Variants in CACHD1 observed in about 807,000 individuals in gnomAD.
The protein encoded by CACHD1 is VWFA and cache domain-containing protein 1.
A neutral mutation model predicts 138.7 loss-of-function variants in CACHD1; 71 were observed. That is an observed-to-expected ratio of 0.51 (90% CI 0.42 to 0.62). The LOEUF (loss-of-function observed/expected upper bound fraction) is 0.62, where lower values mean the gene tolerates loss of function less well. CACHD1 is among the 20% of genes least tolerant of loss of function. The pLI, the probability that CACHD1 is intolerant of heterozygous loss-of-function variation, is 0.00. For synonymous variants in CACHD1, 578 were observed against 591.5 expected, an observed-to-expected ratio of 0.98 and a Z score of 0.33; for missense variants, 1,389 against 1,625.3, an observed-to-expected ratio of 0.85 and a Z score of 2.50.
chr1:64,491,759 GGCAT>G (rs1646277391), intron 1 of CACHD1, among the ~76,000 whole-genome samples: 2 of 152,018 alleles, frequency 1.3e-5, no homozygotes. Flanking sequence ...TGGGACTACA[GGCAT>G]GCACCACCAT....
chr1:64,643,736 G>A (rs1648811450), intron 8 of CACHD1, among the ~76,000 whole-genome samples: 1 of 152,182 alleles, frequency 6.6e-6, no homozygotes, highest in South Asian at 2.1e-4. Flanking sequence ...TACTCGGGAA[G>A]CTGAGGCAGG....
At chr1:64,659,376 TG>T (rs1649370329) in intron 13 of CACHD1, among the ~76,000 whole-genome samples, 1 of 151,986 alleles carries the variant, frequency 6.6e-6, no homozygotes, top group South Asian at 2.1e-4. Flanking sequence ...CATGTAAGTA[TG>T]GGGATATTGA....
chr1:64,666,899 A>C (rs1266867477), intron 16 of CACHD1, among the ~76,000 whole-genome samples: 3 of 151,594 alleles, frequency 2.0e-5, no homozygotes, highest in African/African-American at 7.3e-5. Context: ...CCAAGATATC[A>C]AACTTACTGC....
intron 25 of CACHD1, among the ~76,000 whole-genome samples, chr1:64,681,762 C>G (rs1650199589): frequency 6.6e-6 from 1 of 151,952 alleles, no homozygotes; most frequent in African/African-American, 2.4e-5. Flanking sequence ...TTAAGACACC[C>G]TGGCCTTCAG....
chr1:64,597,476 G>C lies in CACHD1; in HGVS notation c.411-5330G>C, dbSNP rs370817113. On this transcript the variant is annotated intron_variant, in intron 3 of 26. Transcript: ENST00000651257. ...GTTTTCTCCCTCGGGATGCAGTTTCGATCAGTTGTTCATGAAAGTAAATCC... is the reference window on the plus strand; with the variant it reads ...GTTTTCTCCCTCGGGATGCAGTTTCCATCAGTTGTTCATGAAAGTAAATCC... Among the ~76,000 whole-genome samples, 17 of 146,476 alleles carry C rather than the reference G, an allele frequency of 1.2e-4. 3 individuals carry two copies. The highest frequency in any genetic ancestry group is 4.1e-4 in the Admixed American group (6 of 14,646).
At chr1:64,641,082 C>CT (rs887501915) in intron 7 of CACHD1, among the ~76,000 whole-genome samples, 4 of 152,002 alleles carry the variant, frequency 2.6e-5, no homozygotes, top group African/African-American at 7.2e-5. Flanking sequence ...CTTTTACCTT[C>CT]TTTTTTTATC....
At chr1:64,547,576 G>A (rs1214628196) in intron 1 of CACHD1, among the ~76,000 whole-genome samples, 4 of 152,002 alleles carry the variant, frequency 2.6e-5, no homozygotes, top group Admixed American at 6.6e-5. Flanking sequence ...CATGTTAGCC[G>A]GGCTTGTCTT....
intron 3 of CACHD1, among the ~76,000 whole-genome samples, chr1:64,591,576 A>G (rs1464055609): frequency 6.6e-6 from 1 of 152,210 alleles, no homozygotes; most frequent in Non-Finnish European, 1.5e-5. Flanking sequence ...TAGACACTCA[A>G]TAAATATTGG....
chr1:64,681,152 A>T (rs1172097809), intron 24 of CACHD1, 106 bp from the exon 25 acceptor site: 15 of 749,418 alleles, frequency 2.0e-5, no homozygotes, highest in South Asian at 5.5e-5. Flanking sequence ...TTCATTCTTG[A>T]TGGAATGCTG....
intron 1 of CACHD1, among the ~76,000 whole-genome samples, chr1:64,473,320 C>CG (rs1054949466): frequency 1.9e-3 from 284 of 150,654 alleles, no homozygotes; most frequent in African/African-American, 6.7e-3. Flanking sequence ...TTAGACTGGT[C>CG]GGAAAAAAAA....
intron 12 of CACHD1, among the ~76,000 whole-genome samples, chr1:64,657,775 G>C (rs1187338028): frequency 2.0e-5 from 3 of 152,138 alleles, no homozygotes; most frequent in Non-Finnish European, 4.4e-5. Context: ...CACATGAGCT[G>C]CTTTATAAGG....
intron 8 of CACHD1, among the ~76,000 whole-genome samples, chr1:64,646,204 ATTG>A (rs1648895989): frequency 6.6e-6 from 1 of 152,066 alleles, no homozygotes. Context: ...TTCTTCTTTT[ATTG>A]TTTTACTTCT....
chr1:64,572,536 A>G (rs1401771988), intron 2 of CACHD1, among the ~76,000 whole-genome samples: 9 of 152,110 alleles, frequency 5.9e-5, no homozygotes, highest in African/African-American at 2.2e-4. Flanking sequence ...CTCTCCTGCA[A>G]TACCCAACAC....
At chr1:64,593,662 T>C (rs1647126033) in intron 3 of CACHD1, among the ~76,000 whole-genome samples, 1 of 152,174 alleles carries the variant, frequency 6.6e-6, no homozygotes, top group South Asian at 2.1e-4. Flanking sequence ...ATCTCACACT[T>C]CCATTTCCAA....
intron 8 of CACHD1, 68 bp downstream of exon 8, chr1:64,642,037 A>G: frequency 1.5e-6 from 2 of 1,348,246 alleles, no homozygotes; most frequent in Admixed American, 2.9e-5. Flanking sequence ...CTTTAAAAAG[A>G]AGAAAAAGAA....
chr1:64,606,130 C>CACACACACACACACAT (rs1491365036), intron 4 of CACHD1, among the ~76,000 whole-genome samples: 1 of 149,660 alleles, frequency 6.7e-6, no homozygotes, highest in Admixed American at 6.6e-5. Flanking sequence ...CACACACACA[C>CACACACACACACACAT]GCACACACAC....
intron 1 of CACHD1, among the ~76,000 whole-genome samples, chr1:64,478,755 A>G (rs1329831743): frequency 6.6e-6 from 1 of 152,134 alleles, no homozygotes; most frequent in Non-Finnish European, 1.5e-5. Context: ...GTTCAACACA[A>G]TGAATGAAGT....
intron 16 of CACHD1, among the ~76,000 whole-genome samples, chr1:64,668,443 G>A (rs940306776): frequency 5.3e-5 from 8 of 152,218 alleles, no homozygotes; most frequent in Non-Finnish European, 1.0e-4. Context: ...ACTTGAACCC[G>A]GGAGGCGGAG....
At chr1:64,673,814 T>C (rs1019932037) in intron 19 of CACHD1, among the ~76,000 whole-genome samples, 8 of 152,196 alleles carry the variant, frequency 5.3e-5, no homozygotes, top group Admixed American at 2.0e-4. Flanking sequence ...TCCTGTCTTC[T>C]AGAGATCACT....
Sources: allele counts gnomAD v4.1 joint callset (sites outside exome capture counted in the v4.1 genomes callset), GRCh38; gene constraint gnomAD v4.1.1; transcripts MANE v1.5; gene names NCBI Gene and HGNC (gene_info 2026-07-23, HGNC 2026-07-21).